LRRC4C: variants seen among roughly 807,000 people sequenced by gnomAD.
LRRC4C encodes leucine rich repeat containing 4C.
A neutral mutation model predicts 33.6 loss-of-function variants in LRRC4C; 5 were observed. The ratio of observed to expected loss-of-function variants is 0.15; its 90% CI spans 0.08 to 0.31. The LOEUF is 0.31. Among genes scored for constraint, LRRC4C ranks in the 10% least tolerant of loss-of-function variants. LRRC4C has a pLI of 1.00. For missense variants in LRRC4C, 560 were observed against 796.7 expected (o/e 0.70, Z 3.58); for synonymous variants, 329 against 302.0 (o/e 1.09, Z -0.93).
At chr11:40,582,518 T>G (rs1017703951) in intron 3 of LRRC4C, among the ~76,000 whole-genome samples, 26 of 145,392 alleles carry the variant, frequency 1.8e-4, no homozygotes, top group African/African-American at 5.3e-4. Context: ...GTTCAGTTTT[T>G]TTTTTTTTTT....
chr11:40,721,074 C>A (rs982981521), intron 2 of LRRC4C, among the ~76,000 whole-genome samples: 1 of 152,088 alleles, frequency 6.6e-6, no homozygotes, highest in Non-Finnish European at 1.5e-5. Flanking sequence ...CCATAGAGAT[C>A]TTTAGGGTAT....
At chr11:40,932,908 A>G (rs1456773971) in intron 2 of LRRC4C, among the ~76,000 whole-genome samples, 1 of 152,228 alleles carries the variant, frequency 6.6e-6, no homozygotes, top group East Asian at 1.9e-4. Context: ...ATGAGCAAAC[A>G]GACATGATTC....
chr11:40,873,628 T>C (rs1438313402), intron 2 of LRRC4C, among the ~76,000 whole-genome samples: 1 of 152,098 alleles, frequency 6.6e-6, no homozygotes, highest in Non-Finnish European at 1.5e-5. Flanking sequence ...GTAAATGTCT[T>C]CTTAATTTCC....
At chr11:40,865,929 T>C (rs1263563650) in intron 2 of LRRC4C, among the ~76,000 whole-genome samples, 2 of 151,864 alleles carry the variant, frequency 1.3e-5, no homozygotes, top group Non-Finnish European at 2.9e-5. Context: ...CAATATGAGT[T>C]TGAAAAAAAA....
At chr11:41,246,491 C>T (rs903529301) in intron 1 of LRRC4C, among the ~76,000 whole-genome samples, 1 of 152,140 alleles carries the variant, frequency 6.6e-6, no homozygotes, top group African/African-American at 2.4e-5. Context: ...CGTGGCTGAG[C>T]AGCTATAGCT....
chr11:40,222,199 G>A (rs901606966), intron 5 of LRRC4C, among the ~76,000 whole-genome samples: 1 of 152,116 alleles, frequency 6.6e-6, no homozygotes, highest in East Asian at 1.9e-4. Flanking sequence ...CCCCATGACT[G>A]ACACTCAGGA....
intron 1 of LRRC4C, among the ~76,000 whole-genome samples, chr11:41,393,007 T>C (rs1953665560): frequency 6.6e-6 from 1 of 151,876 alleles, no homozygotes. Flanking sequence ...TTGTTATGCT[T>C]TCCTAATTGC....
intron 3 of LRRC4C, among the ~76,000 whole-genome samples, chr11:40,616,558 C>T (rs1180595406): frequency 6.6e-6 from 1 of 151,756 alleles, no homozygotes; most frequent in African/African-American, 2.4e-5. Flanking sequence ...GGCACATATA[C>T]ACCATGGAAT....
intron 1 of LRRC4C, among the ~76,000 whole-genome samples, chr11:41,086,659 C>T (rs1378985455): frequency 6.6e-6 from 1 of 151,996 alleles, no homozygotes; most frequent in African/African-American, 2.4e-5. Context: ...TTCTTACAGG[C>T]ATGGTGACTT....
chr11:41,281,584 C>T (rs1055072239), intron 1 of LRRC4C, among the ~76,000 whole-genome samples: 3 of 152,182 alleles, frequency 2.0e-5, no homozygotes, highest in South Asian at 2.1e-4. Context: ...CTTAAGCCAG[C>T]GGTTCTCCAA....
intron 3 of LRRC4C, among the ~76,000 whole-genome samples, chr11:40,609,050 C>A (rs1960927026): frequency 1.3e-5 from 2 of 152,130 alleles, no homozygotes; most frequent in South Asian, 4.1e-4. Flanking sequence ...AAAATTCGAA[C>A]AACACTGTAG....
chr11:40,784,951 G>C (rs1469499144), intron 2 of LRRC4C, among the ~76,000 whole-genome samples: 2 of 152,154 alleles, frequency 1.3e-5, no homozygotes, highest in South Asian at 4.2e-4. Flanking sequence ...GACTGTTTGG[G>C]ACTTTTTCAA....
intron 3 of LRRC4C, among the ~76,000 whole-genome samples, chr11:40,329,050 G>C (rs1264122439): frequency 6.6e-6 from 1 of 152,178 alleles, no homozygotes; most frequent in Non-Finnish European, 1.5e-5. Flanking sequence ...TGAGACCTCT[G>C]TGGTGAGCCA....
At chr11:40,656,219 CTT>C (rs34957438) in intron 2 of LRRC4C, among the ~76,000 whole-genome samples, 3 of 146,708 alleles carry the variant, frequency 2.0e-5, no homozygotes, top group Non-Finnish European at 3.0e-5. Context: ...TACTGTTTTT[CTT>C]TTTTTTTTTG....
At chr11:40,455,533 A>C (rs554997152) in intron 3 of LRRC4C, among the ~76,000 whole-genome samples, 5 of 152,258 alleles carry the variant, frequency 3.3e-5, no homozygotes, top group African/African-American at 1.2e-4. Context: ...CTAGTTTCCT[A>C]TTTCCCGTGT....
intron 2 of LRRC4C, among the ~76,000 whole-genome samples, chr11:40,792,984 TTG>T (rs1950686551): frequency 6.6e-6 from 1 of 151,838 alleles, no homozygotes; most frequent in South Asian, 2.1e-4. Flanking sequence ...CTGGGGCCTG[TTG>T]TGGGGTCGGG....
At chr11:41,244,466 A>G (rs1420290652) in intron 1 of LRRC4C, among the ~76,000 whole-genome samples, 1 of 152,172 alleles carries the variant, frequency 6.6e-6, no homozygotes, top group Non-Finnish European at 1.5e-5. Context: ...AACAAAGAGT[A>G]CATTGGATCC....
intron 3 of LRRC4C, among the ~76,000 whole-genome samples, chr11:40,389,108 G>A (rs754746141): frequency 6.6e-6 from 1 of 152,102 alleles, no homozygotes; most frequent in Non-Finnish European, 1.5e-5. Flanking sequence ...GGAAAAATGG[G>A]CCATTTATTA....
At chr11:41,282,062 A>G (rs1270958709) in intron 1 of LRRC4C, among the ~76,000 whole-genome samples, 2 of 152,146 alleles carry the variant, frequency 1.3e-5, no homozygotes, top group Admixed American at 1.3e-4. Context: ...ACAAAAGAAA[A>G]TTTCCAGCCA....
Sources: gnomAD v4.1 joint callset for allele counts (sites outside exome capture counted in the v4.1 genomes callset) on GRCh38, gnomAD v4.1.1 for gene constraint, MANE v1.5 for transcripts, NCBI Gene and HGNC (gene_info 2026-07-23, HGNC 2026-07-21) for gene names.